The following QPCT variants were observed in gnomAD, a reference collection of about 807,000 sequenced individuals.
QPCT encodes the protein glutaminyl-peptide cyclotransferase.
QPCT carries 44 observed loss-of-function variants against 43.4 expected under a neutral mutation model. That is an observed-to-expected ratio of 1.01 (90% CI 0.80 to 1.30). The LOEUF (loss-of-function observed/expected upper bound fraction) is 1.30. QPCT is among the 50% of genes most tolerant of loss of function. QPCT has a pLI of 0.00. For synonymous variants in QPCT, 168 were observed against 168.4 expected, an observed-to-expected ratio of 1.00 and a Z score of 0.02; for missense variants, 526 against 436.5, an observed-to-expected ratio of 1.21 and a Z score of -1.83.
At chr2:37,347,515 T>C (rs1376323119) in intron 1 of QPCT, among the ~76,000 whole-genome samples, 2 of 151,812 alleles carry the variant, frequency 1.3e-5, no homozygotes, top group African/African-American at 4.8e-5. Flanking sequence ...GATGAAGAGC[T>C]TACTCTCTCT....
At chr2:37,360,836 T>C (rs1672845530) in intron 3 of QPCT, among the ~76,000 whole-genome samples, 1 of 152,218 alleles carries the variant, frequency 6.6e-6, no homozygotes, top group Non-Finnish European at 1.5e-5. Context: ...TTTTAACTAG[T>C]TTCCTTCCCC....
intron 3 of QPCT, among the ~76,000 whole-genome samples, chr2:37,362,855 A>G (rs528378156): frequency 6.6e-6 from 1 of 152,332 alleles, no homozygotes; most frequent in South Asian, 2.1e-4. Flanking sequence ...AAGTCTGTCT[A>G]AGGAATATGT....
chr2:37,347,196 T>TATATATATATAACATATATATATAAC (rs1558599491), intron 1 of QPCT, among the ~76,000 whole-genome samples: 1 of 62,768 alleles, frequency 1.6e-5, no homozygotes, highest in Non-Finnish European at 2.8e-5. Context: ...ATATATAACA[T>TATATATATATAACATATATATATAAC]ATATATATAA....
chr2:37,370,755 G>C (rs893829672), intron 5 of QPCT, among the ~76,000 whole-genome samples: 2 of 152,172 alleles, frequency 1.3e-5, no homozygotes, highest in Non-Finnish European at 2.9e-5. Flanking sequence ...TGGCTGAAGA[G>C]GGGAGCTTGG....
chr2:37,372,661 A>G lies in QPCT; in HGVS notation c.941-21A>G, dbSNP rs750023205. The stretch of plus-strand genomic sequence containing the variant: ...TCACTGGAGTAATGCACATTGTTAC[A>G]AGTTGGTTCTTTCTTAATAGGTGTT... On this transcript the variant is annotated intron_variant, in intron 6 of 6. Transcript: ENST00000338415. The G allele has an allele frequency of 1.9e-6, 3 of 1,608,394 alleles. No individual in the cohort carries two copies. In the South Asian group the frequency reaches 3.3e-5, roughly 18 times the overall value.
At chr2:37,357,246 T>TA (rs1672770055) in intron 2 of QPCT, among the ~76,000 whole-genome samples, 1 of 152,136 alleles carries the variant, frequency 6.6e-6, no homozygotes, top group African/African-American at 2.4e-5. Context: ...TATGGAGCAT[T>TA]TTATCATCTG....
chr2:37,369,244 T>A (rs1673024865), intron 4 of QPCT, among the ~76,000 whole-genome samples: 1 of 152,232 alleles, frequency 6.6e-6, no homozygotes, highest in South Asian at 2.1e-4. Flanking sequence ...TAGATACTAC[T>A]TGATCAATAA....
intron 5 of QPCT, among the ~76,000 whole-genome samples, chr2:37,371,983 G>A (rs1227135919): frequency 2.6e-5 from 4 of 152,064 alleles, no homozygotes; most frequent in Non-Finnish European, 4.4e-5. Context: ...CTCATCTAAG[G>A]CATTCTTCAT....
chr2:37,367,045 G>T, intron 3 of QPCT, 187 bp from the exon 4 acceptor site: 1 of 601,410 alleles, frequency 1.7e-6, no homozygotes, highest in Admixed American at 3.1e-5. Flanking sequence ...TATGGGTGAA[G>T]ACTGTGGGAG....
rs768922168 is a variant in QPCT at position 37,344,850 on chromosome 2, A to C, written c.119A>C (p.Lys40Thr). The C allele has an allele frequency of 4.4e-6, 7 of 1,588,402 alleles. No individual in the cohort carries two copies. The East Asian group carries it at 1.6e-4, about 36-fold the overall frequency. ...SPSASAWPEEKNYHQPAILNS... is the reference protein window; with the variant it reads ...SPSASAWPEETNYHQPAILNS... ...AGTGCCTCAGCCTGGCCAGAGGAGA[A>C]GGTGAGGGGCTGTTTCTGCGTAGTT... Residue 40 changes from lysine to threonine, a missense_variant and splice_region_variant, in exon 1 of 7, where the codon AAG becomes ACG. Coordinates refer to ENST00000338415, the MANE Select transcript of QPCT (RefSeq NM_012413.4).
chr2:37,370,484 T>C (rs1164609382), intron 5 of QPCT, among the ~76,000 whole-genome samples: 1 of 152,246 alleles, frequency 6.6e-6, no homozygotes, highest in East Asian at 1.9e-4. Flanking sequence ...TGGCTAATGA[T>C]GAATATGATG....
At chr2:37,363,592 C>T (rs1206993643) in intron 3 of QPCT, among the ~76,000 whole-genome samples, 1 of 148,928 alleles carries the variant, frequency 6.7e-6, no homozygotes, top group South Asian at 2.1e-4. Context: ...AATTGAGCCA[C>T]TGCACTCCAG....
In QPCT at chr2:37,352,893, A is replaced by G. The variant is rs745758452; in HGVS notation, c.225A>G (p.Ile75Met). 3.1e-6 allele frequency: 5 copies of G among 1,614,196 alleles called. No individual in the cohort carries two copies. Among genetic ancestry groups the G allele is most frequent in the Non-Finnish European group, 4.2e-6 (5 of 1,180,008 alleles). ...MWQNDLQPLLIERYPGSPGSY... is the reference protein window; with the variant it reads ...MWQNDLQPLLMERYPGSPGSY... ...AAAATGACTTACAGCCATTGCTGAT[A>G]GAGCGATACCCGGGATCCCCTGGAA... Residue 75 changes from isoleucine (I) to methionine (M), a missense_variant, in exon 2 of 7, where the codon ATA becomes ATG. By Grantham distance (10) the Ile-to-Met change is conservative (BLOSUM62 1). Transcript: ENST00000338415.
chr2:37,344,920 C>A, intron 1 of QPCT, 69 bp downstream of exon 1: 2 of 1,482,398 alleles, frequency 1.3e-6, no homozygotes, highest in South Asian at 1.3e-5. Context: ...CTGGCCGGGT[C>A]AGCCCTACCT....
chr2:37,365,749 C>G (rs1672946592), intron 3 of QPCT, among the ~76,000 whole-genome samples: 1 of 152,104 alleles, frequency 6.6e-6, no homozygotes, highest in African/African-American at 2.4e-5. Flanking sequence ...ATGAGCATGA[C>G]AGAAAGAAAT....
At chr2:37,347,235 T>TATATATAACATATATATAAC (rs1672523911) in intron 1 of QPCT, among the ~76,000 whole-genome samples, 3 of 85,714 alleles carry the variant, frequency 3.5e-5, no homozygotes, top group African/African-American at 9.5e-5. Flanking sequence ...ATATAACATA[T>TATATATAACATATATATAAC]ATATATATAT....
chr2:37,368,801 T>C (rs1673016195), intron 4 of QPCT: 2 of 395,252 alleles, frequency 5.1e-6, no homozygotes. Flanking sequence ...CAGTGATTCA[T>C]ATATTTGGAC....
At position 37,348,778 on chromosome 2, in the gene QPCT, G is replaced by A. The variant is rs551457394; in HGVS notation, c.120+3927G>A. Among the ~76,000 whole-genome samples the A allele has an allele frequency of 1.6e-4, 25 of 152,246 alleles. 1 individual carries two copies. In the South Asian group the frequency reaches 5.2e-3, roughly 32 times the overall value. On this transcript the variant is annotated intron_variant, in intron 1 of 6. Transcript: ENST00000338415. ...TGTCTGGATGAAAAGACAAGGCAGG[G>A]GCTGTAACAGAGCCTCATTCCTCTG... is the stretch of plus-strand genomic sequence containing the variant.
rs59312382 is a variant in QPCT at position 37,357,282 on chromosome 2, C to CTT, written c.268-2286_268-2285dup. On this transcript the variant is annotated intron_variant, in intron 2 of 6. Transcript: ENST00000338415. ...GATACCAGATGTTCTGGAGTATATG[C>CTT]TTTTTTTTTTTTTAAATGACCCATT... is the stretch of plus-strand genomic sequence containing the variant. 1.8e-4 allele frequency among the ~76,000 whole-genome samples: 23 copies of CTT among 128,726 alleles called. No individual in the cohort carries two copies. The Admixed American group carries it at 1.8e-3, about 10-fold the overall frequency. 84.4% of individuals were successfully genotyped at this position (128,726 alleles called of 152,430 possible). A position where few individuals can be genotyped will look rare whatever the true frequency, so the allele number is the denominator to read the frequency against.
Sources: gnomAD v4.1 joint callset for allele counts (sites outside exome capture counted in the v4.1 genomes callset) on GRCh38, gnomAD v4.1.1 for gene constraint, MANE v1.5 for transcripts, NCBI Gene and HGNC (gene_info 2026-07-23, HGNC 2026-07-21) for gene names.